COPS6: variants seen among roughly 807,000 people sequenced by gnomAD.
The protein encoded by COPS6 is COP9 signalosome complex subunit 6.
Under a neutral mutation model 41.0 loss-of-function variants are expected in COPS6, and 9 were observed. That is an observed-to-expected ratio of 0.22 (90% confidence interval 0.13 to 0.38). COPS6 has a LOEUF of 0.38. COPS6 is among the 10% of genes least tolerant of loss of function. The pLI, the probability that COPS6 is intolerant of heterozygous loss-of-function variation, is 1.00. For synonymous variants in COPS6, 179 were observed against 162.9 expected, an observed-to-expected ratio of 1.10 and a Z score of -0.75; for missense variants, 302 against 436.7, an observed-to-expected ratio of 0.69 and a Z score of 2.75.
chr7:100,091,054 C>A lies in COPS6; in HGVS notation c.551C>A (p.Ala184Asp), dbSNP rs755360522. The A allele has an allele frequency of 1.2e-6, 2 of 1,614,242 alleles. No homozygotes were observed. Among genetic ancestry groups the A allele is most frequent in the South Asian group, 2.2e-5 (2 of 91,090 alleles). ...GCCCTGTAGGCCACAATGCTGTTTG[C>A]TGAGCTGACCTACACTCTGGCCACA... The part of the protein sequence containing the change: ...IINGEATMLF[A>D]ELTYTLATEE... Residue 184 changes from alanine to aspartate, a missense_variant, in exon 7 of 10, where the codon GCT (alanine) becomes GAT (aspartate). Transcript: ENST00000303904. This position sits in a 1 kb window ranked among gnomAD's most constrained non-coding sequence, Gnocchi z 4.1.
At chr7:100,089,877 C>A in intron 3 of COPS6, 131 bp downstream of exon 3, 1 of 817,568 alleles carries the variant, frequency 1.2e-6, no homozygotes, top group Non-Finnish European at 1.9e-6. Context: ...TGAAGAGTAG[C>A]TGGAGAGATC....
intron 4 of COPS6, 47 bp downstream of exon 4, chr7:100,090,534 G>A: frequency 6.2e-7 from 1 of 1,610,130 alleles, no homozygotes; most frequent in Non-Finnish European, 8.5e-7. Context: ...AATGGAGAAT[G>A]AGGGGAAGGA....
chr7:100,090,006 C>G, intron 3 of COPS6: 1 of 455,580 alleles, frequency 2.2e-6, no homozygotes, highest in Non-Finnish European at 3.9e-6. Flanking sequence ...AGGAGAGAAG[C>G]TGGTGAAAAT....
chr7:100,091,163 G>T lies in COPS6; in HGVS notation c.649+11G>T, dbSNP rs763127055. 1.9e-6 allele frequency: 3 copies of T among 1,613,576 alleles called. No individual in the cohort carries two copies. In the African/African-American group the frequency reaches 4.0e-5, roughly 22 times the overall value. On this transcript the variant is annotated intron_variant, in intron 7 of 9. Coordinates refer to ENST00000303904, the MANE Select transcript of COPS6 (RefSeq NM_006833.5). This position sits in a 1 kb window ranked among gnomAD's most constrained non-coding sequence, Gnocchi z 4.1. ...GAGAGAACTCCACTGGTAATGGAGG[G>T]GATTCCTTGGAAGTGGGGTTGGAAG...
rs1253365202 is a variant in COPS6, at chr7:100,090,473, C to T, written c.409C>T (p.His137Tyr). The change falls in exon 4 of 10, where the codon CAC (histidine) becomes TAC (tyrosine). Residue 137 changes from histidine to tyrosine, a missense_variant. His to Tyr is a moderately conservative substitution (Grantham distance 83). Transcript: ENST00000303904. ...TGGPPDPSDI[H>Y]VHKQVCEIIE... ...GGGGCCACCTGACCCCTCGGACATCCACGTCCATAAGCAGGTATGCATGCT... is the reference window on the plus strand; with the variant it reads ...GGGGCCACCTGACCCCTCGGACATCTACGTCCATAAGCAGGTATGCATGCT... The T allele has an allele frequency of 1.2e-6, 2 of 1,613,826 alleles. No homozygotes were observed. The highest frequency in any genetic ancestry group is 2.2e-5 in the East Asian group (1 of 44,902).
intron 5 of COPS6, 24 bp downstream of exon 5, chr7:100,090,678 C>CT: frequency 6.2e-7 from 1 of 1,605,850 alleles, no homozygotes; most frequent in Non-Finnish European, 8.5e-7. Flanking sequence ...CATGCCTACT[C>CT]TGTCATGATT....
Position 100,091,748 on chromosome 7 carries a change from C to T in COPS6, c.943C>T (p.Arg315Ter). 6.2e-7 allele frequency: 1 copy of T among 1,614,204 alleles called. No homozygotes were observed. Among genetic ancestry groups the T allele is most frequent in the Non-Finnish European group, 8.5e-7 (1 of 1,180,044 alleles). ...GAACAAGTTCAATGTCCTCTACGAC[C>T]GACAAGGCATCGGCAGGAGAATGCG... ...FVNKFNVLYD[R>*]QGIGRRMRGL... Residue 315 changes from arginine (R) to a stop codon, truncating the protein, a stop_gained, in exon 10 of 10, where the codon CGA becomes TGA. Transcript: ENST00000303904. LOFTEE classifies it high-confidence loss of function. This position sits in a 1 kb window ranked among gnomAD's most constrained non-coding sequence, Gnocchi z 4.1.
chr7:100,091,724 A>T lies in COPS6; in HGVS notation c.919A>T (p.Asn307Tyr). The T allele has an allele frequency of 6.2e-7, 1 of 1,614,208 alleles. No individual in the cohort carries two copies. ...KTCNTMNQFV[N>Y]KFNVLYDRQG... is the part of the protein sequence containing the mutation. ...GTGCAACACCATGAACCAGTTTGTG[A>T]ACAAGTTCAATGTCCTCTACGACCG... Residue 307 changes from asparagine (N) to tyrosine (Y), a missense_variant, in exon 10 of 10, where the codon AAC becomes TAC. By Grantham distance (143) the Asn-to-Tyr change is moderately radical (BLOSUM62 -2). Around this residue, in one of 3 missense-constraint regions of COPS6, gnomAD observed 222 missense variants for 309.0 expected, o/e 0.72. Transcript: ENST00000303904. This position sits in a 1 kb window ranked among gnomAD's most constrained non-coding sequence, Gnocchi z 4.1.
In COPS6 at chr7:100,091,275, G is replaced by C. The variant is rs1236013316; in HGVS notation, c.687G>C (p.Lys229Asn). Residue 229 changes from lysine to asparagine, a missense_variant, in exon 8 of 10, where the codon AAG becomes AAC. Lys to Asn is a moderately conservative substitution (Grantham distance 94, BLOSUM62 0). Around this residue, in one of 3 missense-constraint regions of COPS6, gnomAD observed 222 missense variants for 309.0 expected, o/e 0.72. Coordinates refer to ENST00000303904, the MANE Select transcript of COPS6 (RefSeq NM_006833.5). The surrounding 1 kb of genome is among the most constrained non-coding windows in gnomAD (Gnocchi z 4.1). ...EHLIAQHSAI[K>N]MLHSRVKLIL... is the part of the protein sequence containing the mutation. Reference sequence around the variant, plus strand: ...TGATAGCACAGCACAGCGCCATCAAGATGCTGCACAGCCGCGTCAAGCTCA... The same window carrying C: ...TGATAGCACAGCACAGCGCCATCAACATGCTGCACAGCCGCGTCAAGCTCA... 1 of 1,614,174 alleles carries C rather than the reference G, an allele frequency of 6.2e-7. No individual in the cohort carries two copies. Among genetic ancestry groups the C allele is most frequent in the Admixed American group, 1.7e-5 (1 of 60,024 alleles).
chr7:100,090,705 CTGTG>C, intron 5 of COPS6, 51 bp downstream of exon 5: 1 of 1,554,752 alleles, frequency 6.4e-7, no homozygotes, highest in South Asian at 1.1e-5. Flanking sequence ...ATACCTTTTA[CTGTG>C]TGACACTCCT....
chr7:100,090,722 A>G (rs1385415554), intron 5 of COPS6, 68 bp downstream of exon 5: 8 of 1,527,126 alleles, frequency 5.2e-6, no homozygotes, highest in Admixed American at 5.0e-5. Context: ...ACACTCCTCT[A>G]TTGGGGAATG....
rs923435376 is a variant in COPS6, at chr7:100,092,032, T to C, written c.*243T>C. On this transcript the variant is annotated 3_prime_UTR_variant, in exon 10 of 10. Coordinates refer to ENST00000303904, the MANE Select transcript of COPS6 (RefSeq NM_006833.5). ...CTCTTCAGTGAGGGAGGCACTACCA[T>C]TTGAAGTGACCCCATGTCAGTCACA... 1.8e-6 allele frequency: 1 copy of C among 544,480 alleles called. No individual in the cohort carries two copies. The allele number at this position is 544,480 out of a possible 1,614,324, so 33.7% of individuals were successfully genotyped here.
rs989856851 is a variant in COPS6, at chr7:100,091,990, C to G, written c.*201C>G. 3 of 632,966 alleles carry G rather than the reference C, an allele frequency of 4.7e-6. No individual in the cohort carries two copies. In the African/African-American group the frequency reaches 5.5e-5, roughly 12 times the overall value. The allele number at this position is 632,966 out of a possible 1,614,324, so 39.2% of individuals were successfully genotyped here. Reference sequence around the variant, plus strand: ...CATCGAGGCTCATTCTGGCCTTGCTCAGAAGCCCTTCTGATGCTCTTCAGT... The same window carrying G: ...CATCGAGGCTCATTCTGGCCTTGCTGAGAAGCCCTTCTGATGCTCTTCAGT... On this transcript the variant is annotated 3_prime_UTR_variant, in exon 10 of 10. Coordinates refer to ENST00000303904, the MANE Select transcript of COPS6 (RefSeq NM_006833.5). This position sits in a 1 kb window ranked among gnomAD's most constrained non-coding sequence, Gnocchi z 4.1.
In COPS6 at chr7:100,091,134, A is replaced by G. The variant is rs193921011; in HGVS notation, c.631A>G (p.Ser211Gly). Reference sequence around the variant, plus strand: ...CGTAGCCCGAATGACAGCAACAGGCAGTGGAGAGAACTCCACTGGTAATGG... The same window carrying G: ...CGTAGCCCGAATGACAGCAACAGGCGGTGGAGAGAACTCCACTGGTAATGG... The part of the protein sequence containing the change: ...DHVARMTATG[S>G]GENSTVAEHL... The change falls in exon 7 of 10, where the codon AGT becomes GGT. Residue 211 changes from serine to glycine, a missense_variant. By Grantham distance (56) the Ser-to-Gly change is moderately conservative. This residue lies in a region of COPS6 where 222 missense variants were observed against 309.0 expected (regional missense o/e 0.72). Coordinates refer to ENST00000303904, the MANE Select transcript of COPS6 (RefSeq NM_006833.5). This position sits in a 1 kb window ranked among gnomAD's most constrained non-coding sequence, Gnocchi z 4.1. The G allele has an allele frequency of 1.2e-6, 2 of 1,614,258 alleles. No homozygotes were observed. The highest frequency in any genetic ancestry group is 3.3e-5 in the Admixed American group (2 of 60,036).
intron 5 of COPS6, 36 bp from the exon 6 acceptor site, chr7:100,090,866 G>A: frequency 6.2e-7 from 1 of 1,611,844 alleles, no homozygotes; most frequent in Non-Finnish European, 8.5e-7. Flanking sequence ...CCAAATGTTG[G>A]CATATAGTGT....
chr7:100,090,183 A>C, intron 3 of COPS6: 1 of 552,968 alleles, frequency 1.8e-6, no homozygotes, highest in Non-Finnish European at 3.2e-6. Flanking sequence ...CCCCACCTCT[A>C]CTAAAAATAC....
rs1446820005 is a variant in COPS6 at position 100,091,494 on chromosome 7, G to C, written c.817G>C (p.Asp273His). 6.2e-7 allele frequency: 1 copy of C among 1,614,232 alleles called. No homozygotes were observed. Among genetic ancestry groups the C allele is most frequent in the East Asian group, 2.2e-5 (1 of 44,880 alleles). ...TCACTGTCTCCCGGTGCTCAGCACA[G>C]ACAAGTTCAAGACAGATTTTTATGA... is the stretch of plus-strand genomic sequence containing the variant. ...LCHCLPVLST[D>H]KFKTDFYDQC... Residue 273 changes from aspartate (D) to histidine (H), a missense_variant, in exon 9 of 10, where the codon GAC (aspartate) becomes CAC (histidine). Coordinates refer to ENST00000303904, the MANE Select transcript of COPS6 (RefSeq NM_006833.5). This position sits in a 1 kb window ranked among gnomAD's most constrained non-coding sequence, Gnocchi z 4.1.
Position 100,088,996 on chromosome 7 carries a change from G to A in COPS6, c.6G>A (p.Ala2=). The change falls in exon 1 of 10, where the codon GCG becomes GCA. Residue 2 remains alanine, a synonymous_variant. Coordinates refer to ENST00000303904, the MANE Select transcript of COPS6 (RefSeq NM_006833.5). ...GGCTGGCGGGCGCGGGGAAAATGGC[G>A]GCGGCGGCGGCGGCGGCTGCAGCTA... M[A]AAAAAAAATN... is the part of the protein sequence containing the mutation. 2 of 1,309,744 alleles carry A rather than the reference G, an allele frequency of 1.5e-6. No individual in the cohort carries two copies. Among genetic ancestry groups the A allele is most frequent in the Non-Finnish European group, 9.7e-7 (1 of 1,026,904 alleles). 81.1% of individuals were successfully genotyped at this position (1,309,744 alleles called of 1,614,324 possible).
intron 3 of COPS6, 171 bp from the exon 4 acceptor site, chr7:100,090,228 G>A: frequency 1.7e-6 from 1 of 604,114 alleles, no homozygotes; most frequent in Non-Finnish European, 2.9e-6. Flanking sequence ...CGTGCCTGTA[G>A]TCCCAGCTAC....
Sources: allele counts gnomAD v4.1 joint callset, GRCh38; gene constraint gnomAD v4.1.1; regional missense constraint gnomAD v4.1.1; non-coding constraint Gnocchi (gnomAD v3.1); transcripts MANE v1.5; gene names NCBI Gene and HGNC (gene_info 2026-07-23, HGNC 2026-07-21).